The following RHCG variants were observed in gnomAD, a reference collection of about 807,000 sequenced individuals.
RHCG encodes the protein ammonium transporter Rh type C.
RHCG carries 39 observed loss-of-function variants against 55.3 expected under a neutral mutation model. The ratio of observed to expected loss-of-function variants is 0.70; its 90% CI spans 0.55 to 0.92. The LOEUF is 0.92. Among genes scored for constraint, RHCG ranks in the 40% least tolerant of loss-of-function variants. The pLI, the probability that RHCG is intolerant of heterozygous loss-of-function variation, is 0.00. For missense variants in RHCG, 635 were observed against 627.9 expected (o/e 1.01, Z -0.12); for synonymous variants, 250 against 246.8 (o/e 1.01, Z -0.12).
chr15:89,472,745 A>C lies in RHCG; in HGVS notation c.1430T>G (p.Leu477Trp), dbSNP rs1171533950. 8 of 1,604,660 alleles carry C rather than the reference A, an allele frequency of 5.0e-6. No individual in the cohort carries two copies. Among genetic ancestry groups the C allele is most frequent in the African/African-American group, 4.0e-5 (3 of 74,556 alleles). ...SPLPMASSVP[L>W]VP The stretch of plus-strand genomic sequence containing the variant: ...ACCTGCCCTGGGAGCCTAGGGTACC[A>C]AGGGTACCGAGGAAGCCATGGGTAG... Residue 477 changes from leucine to tryptophan, a missense_variant, in exon 10 of 11, where the codon TTG becomes TGG. By Grantham distance (61) the Leu-to-Trp change is moderately conservative (BLOSUM62 -2). Coordinates refer to ENST00000268122, the MANE Select transcript of RHCG (RefSeq NM_016321.3).
In RHCG at chr15:89,474,183, A is replaced by G. The variant is rs568083167; in HGVS notation, c.1312-1320T>C. Among the ~76,000 whole-genome samples the G allele has an allele frequency of 5.3e-5, 8 of 152,368 alleles. No homozygotes were observed. The South Asian group carries it at 1.7e-3, about 32-fold the overall frequency. On this transcript the variant is annotated intron_variant, in intron 9 of 10. Coordinates refer to ENST00000268122, the MANE Select transcript of RHCG (RefSeq NM_016321.3). ...CAGAGAAAAAAGATAGAAAGGAAAT[A>G]TACCAGAAAATATTAATATTGCTTG...
intron 5 of RHCG, among the ~76,000 whole-genome samples, chr15:89,478,432 G>A (rs1190663100): frequency 1.3e-5 from 2 of 152,224 alleles, no homozygotes; most frequent in Non-Finnish European, 2.9e-5. Context: ...GCTGGCTGTA[G>A]GGGTTAGCGC....
intron 9 of RHCG, among the ~76,000 whole-genome samples, chr15:89,474,828 TCCTG>T (rs1001733084): frequency 8.1e-6 from 1 of 122,716 alleles, no homozygotes; most frequent in Non-Finnish European, 1.8e-5. Flanking sequence ...CTGCCTTCCT[TCCTG>T]CCTGCCTTCC....
In RHCG at chr15:89,479,327, C is replaced by T. The variant is rs754116932; in HGVS notation, c.832G>A (p.Asp278Asn). 5.0e-6 allele frequency: 8 copies of T among 1,612,902 alleles called. No individual in the cohort carries two copies. The South Asian group carries it at 8.8e-5, about 18-fold the overall frequency. The change falls in exon 5 of 11, where the codon GAC (aspartate) becomes AAC (asparagine). Residue 278 changes from aspartate (D) to asparagine (N), a missense_variant. Coordinates refer to ENST00000268122, the MANE Select transcript of RHCG (RefSeq NM_016321.3). ...SSALHKKGKL[D>N]MVHIQNATLA... ...CCCAACGCCCTCATGCTCACCATGT[C>T]CAGCTTGCCCTTCTTGTGCAGGGCA...
At chr15:89,492,470 C>T (rs1045861312) in intron 1 of RHCG, among the ~76,000 whole-genome samples, 1 of 152,172 alleles carries the variant, frequency 6.6e-6, no homozygotes. Flanking sequence ...CTGGCCAGTT[C>T]CCCAATTCCC....
Position 89,477,867 on chromosome 15 carries a change from G to T in RHCG, c.945C>A (p.Ile315=). 1.2e-6 allele frequency: 2 copies of T among 1,614,086 alleles called. No individual in the cohort carries two copies. Among genetic ancestry groups the T allele is most frequent in the Non-Finnish European group, 1.7e-6 (2 of 1,179,988 alleles). Residue 315 remains isoleucine (I), a synonymous_variant, in exon 6 of 11, where the codon ATC becomes ATA. Coordinates refer to ENST00000268122, the MANE Select transcript of RHCG (RefSeq NM_016321.3). The surrounding 1 kb of genome is among the most constrained non-coding windows in gnomAD (Gnocchi z 4.5). The part of the protein sequence containing the change: ...GALIIGFVCG[I]ISTLGFVYLT... ...GGTATACAAAACCCAGGGTGGAGAT[G>T]ATGCCGCAGACGAAGCCGATGATGA...
At chr15:89,491,948 G>A (rs1372728848) in intron 1 of RHCG, among the ~76,000 whole-genome samples, 3 of 152,182 alleles carry the variant, frequency 2.0e-5, no homozygotes, top group Non-Finnish European at 4.4e-5. Context: ...ACATGTAATG[G>A]TATAACGCAA....
intron 4 of RHCG, 72 bp from the exon 5 acceptor site, chr15:89,479,560 C>T: frequency 7.2e-7 from 1 of 1,395,206 alleles, no homozygotes; most frequent in African/African-American, 1.4e-5. Context: ...CTCAGGCAGG[C>T]ATCCTGTCCT....
At chr15:89,493,543 C>T (rs1478223259) in intron 1 of RHCG, among the ~76,000 whole-genome samples, 4 of 152,204 alleles carry the variant, frequency 2.6e-5, no homozygotes, top group African/African-American at 9.7e-5. Context: ...GAGGCCTGCA[C>T]AGCTGCTGAT....
At chr15:89,481,769 T>C (rs974130018) in intron 3 of RHCG, among the ~76,000 whole-genome samples, 1 of 152,208 alleles carries the variant, frequency 6.6e-6, no homozygotes, top group East Asian at 1.9e-4. Flanking sequence ...AATGGTCTTC[T>C]ATGCACTATT....
At chr15:89,489,908 C>T (rs747990163) in intron 1 of RHCG, among the ~76,000 whole-genome samples, 2 of 152,196 alleles carry the variant, frequency 1.3e-5, no homozygotes, top group African/African-American at 4.8e-5. Context: ...GTTTGTCTAT[C>T]CCACTACGCT....
intron 2 of RHCG, chr15:89,486,597 A>AGAGAGAGAGAGAGTGT (rs1555461989): frequency 3.1e-5 from 10 of 327,182 alleles, no homozygotes; most frequent in Admixed American, 7.7e-5. Flanking sequence ...AGAGAGAGAG[A>AGAGAGAGAGAGAGTGT]GAGTGTGTGT....
intron 2 of RHCG, among the ~76,000 whole-genome samples, chr15:89,483,954 C>T (rs978335990): frequency 1.3e-5 from 2 of 152,206 alleles, no homozygotes; most frequent in Admixed American, 6.5e-5. Flanking sequence ...TGTGTAGACC[C>T]TGATTCCATC....
chr15:89,492,632 G>A (rs879788656), intron 1 of RHCG, among the ~76,000 whole-genome samples: 14 of 152,244 alleles, frequency 9.2e-5, no homozygotes, highest in Non-Finnish European at 1.9e-4. Context: ...CTGGCTGGCT[G>A]AGAGTGTCCA....
chr15:89,475,377 G>A (rs1045650292), intron 9 of RHCG, among the ~76,000 whole-genome samples: 3 of 152,150 alleles, frequency 2.0e-5, no homozygotes, highest in African/African-American at 7.2e-5. Flanking sequence ...TGAGTAGCTG[G>A]GATTATAGGC....
chr15:89,488,322 T>C (rs1961411074), intron 1 of RHCG, among the ~76,000 whole-genome samples: 1 of 152,182 alleles, frequency 6.6e-6, no homozygotes, highest in Non-Finnish European at 1.5e-5. Context: ...AGTTGGAAAA[T>C]CATCATTTTC....
At position 89,477,793 on chromosome 15, in the gene RHCG, C is replaced by A. The variant is rs771809359; in HGVS notation, c.975+44G>T. On this transcript the variant is annotated intron_variant, in intron 6 of 10. Coordinates refer to ENST00000268122, the MANE Select transcript of RHCG (RefSeq NM_016321.3). This position sits in a 1 kb window ranked among gnomAD's most constrained non-coding sequence, Gnocchi z 4.5. ...CAGCTCACTGTCAGGAACACAAAGA[C>A]CTCAGCATTCTCTAGCCCCCAGCCC... 1.2e-5 allele frequency: 20 copies of A among 1,612,002 alleles called. No individual in the cohort carries two copies. The highest frequency in any genetic ancestry group is 1.7e-6 in the Non-Finnish European group (2 of 1,178,822).
Position 89,477,046 on chromosome 15 carries a change from G to C in RHCG, c.1237+36C>G. On this transcript the variant is annotated intron_variant, in intron 8 of 10. Coordinates refer to ENST00000268122, the MANE Select transcript of RHCG (RefSeq NM_016321.3). This position sits in a 1 kb window ranked among gnomAD's most constrained non-coding sequence, Gnocchi z 4.5. ...TCTCCACCCAGGGAGCCCCACAGCA[G>C]CACCCCCCTTCTCTGGCTCAGCCAT... The C allele has an allele frequency of 6.2e-7, 1 of 1,613,194 alleles. No individual in the cohort carries two copies. Among genetic ancestry groups the C allele is most frequent in the South Asian group, 1.1e-5 (1 of 91,018 alleles).
Position 89,472,759 on chromosome 15 carries a change from A to G in RHCG, c.1416T>C (p.Ala472=). 6.3e-7 allele frequency: 1 copy of G among 1,595,498 alleles called. No homozygotes were observed. Among genetic ancestry groups the G allele is most frequent in the Non-Finnish European group, 8.5e-7 (1 of 1,171,144 alleles). Residue 472 remains alanine, a synonymous_variant, in exon 10 of 11, where the codon GCT becomes GCC. Coordinates refer to ENST00000268122, the MANE Select transcript of RHCG (RefSeq NM_016321.3). ...CCTAGGGTACCAAGGGTACCGAGGA[A>G]GCCATGGGTAGTGGGGACACCATGG... The part of the protein sequence containing the change: ...SVPMVSPLPM[A]SSVPLVP
Sources: gnomAD v4.1 joint callset for allele counts (sites outside exome capture counted in the v4.1 genomes callset) on GRCh38, gnomAD v4.1.1 for gene constraint, Gnocchi (gnomAD v3.1) non-coding constraint, MANE v1.5 for transcripts, NCBI Gene and HGNC (gene_info 2026-07-23, HGNC 2026-07-21) for gene names.